Variants in TBC1D16 observed in about 807,000 individuals in gnomAD.
TBC1D16 encodes the protein TBC1 domain family member 16, also known as CTD-2529O21.1.
In TBC1D16, 58 loss-of-function variants were observed where a neutral mutation model predicts 74.7. The ratio of observed to expected loss-of-function variants is 0.78; its 90% CI spans 0.63 to 0.97. The LOEUF (loss-of-function observed/expected upper bound fraction) is 0.97, where lower values mean the gene tolerates loss of function less well. Ranked by LOEUF, TBC1D16 falls within the 50% of genes least tolerant of loss-of-function variation. The pLI is 0.00. For missense variants in TBC1D16, 1,014 were observed against 1,079.5 expected (o/e 0.94, Z 0.85); for synonymous variants, 493 against 474.7 (o/e 1.04, Z -0.50).
chr17:79,988,900 A>G lies in TBC1D16; in HGVS notation c.779+21260T>C, dbSNP rs2034954777. ...GGGCTGGACGGTGCCACCCTCCCCA[A>G]CCCGCACCTGCCCGCCGGCCCCAGG... On this transcript the variant is annotated intron_variant, in intron 3 of 11. Coordinates refer to ENST00000310924, the MANE Select transcript of TBC1D16 (RefSeq NM_019020.4). This position sits in a 1 kb window ranked among gnomAD's most constrained non-coding sequence, Gnocchi z 5.7. Among the ~76,000 whole-genome samples the G allele has an allele frequency of 6.6e-6, 1 of 152,088 alleles. No homozygotes were observed. The highest frequency in any genetic ancestry group is 1.5e-5 in the Non-Finnish European group (1 of 68,016).
At chr17:80,021,913 GACAC>G (rs796326192) in intron 1 of TBC1D16, among the ~76,000 whole-genome samples, 12 of 5,432 alleles carry the variant, frequency 2.2e-3, no homozygotes, top group African/African-American at 5.0e-3. Flanking sequence ...CACACACCAT[GACAC>G]ACACAAACAC....
rs9891664 is a variant in TBC1D16, at chr17:79,988,239, G to C, written c.779+21921C>G. Among the ~76,000 whole-genome samples the C allele has an allele frequency of 0.037, 5,558 of 152,230 alleles. 200 individuals carry two copies. The highest frequency in any genetic ancestry group is 0.095 in the African/African-American group (3,954 of 41,540). On this transcript the variant is annotated intron_variant, in intron 3 of 11. Transcript: ENST00000310924. This position sits in a 1 kb window ranked among gnomAD's most constrained non-coding sequence, Gnocchi z 5.7. ...CCACCAGCCAGGGCCGTGGCTCCTC[G>C]GCAAGTGGGCGTCCGCCGAGCCTTT...
At chr17:80,004,131 T>C (rs537845654) in intron 3 of TBC1D16, among the ~76,000 whole-genome samples, 2 of 152,354 alleles carry the variant, frequency 1.3e-5, no homozygotes, top group South Asian at 2.1e-4. Flanking sequence ...AAAAATTCAG[T>C]TGCACTTGCG....
At position 80,000,623 on chromosome 17, in the gene TBC1D16, G is replaced by A. The variant is rs1011805564; in HGVS notation, c.779+9537C>T. ...TTTGTCACAGCAGCCCCAGGACACT[G>A]ATACGAGCACGTCCAACGGGGCTGG... On this transcript the variant is annotated intron_variant, in intron 3 of 11. Transcript: ENST00000310924. The surrounding 1 kb of genome is among the most constrained non-coding windows in gnomAD (Gnocchi z 4.1). Among the ~76,000 whole-genome samples, 8 of 152,194 alleles carry A rather than the reference G, an allele frequency of 5.3e-5. No individual in the cohort carries two copies.
chr17:80,035,726 GCGCTGCT>G lies in TBC1D16; in HGVS notation c.-63+62_-63+68del, dbSNP rs1052119928. On this transcript the variant is annotated intron_variant, in intron 1 of 11. Coordinates refer to ENST00000310924, the MANE Select transcript of TBC1D16 (RefSeq NM_019020.4). The surrounding 1 kb of genome is among the most constrained non-coding windows in gnomAD (Gnocchi z 5.3). ...CCCCCGCCCCAGCTCCGCCGAGGGGGCGCTGCTCGCTGCGCGGTGGACCCCTCGGACC... is the reference window on the plus strand; with the variant it reads ...CCCCCGCCCCAGCTCCGCCGAGGGGGCGCTGCGCGGTGGACCCCTCGGACC... The G allele has an allele frequency of 2.7e-5, 4 of 147,556 alleles. No individual in the cohort carries two copies. Among genetic ancestry groups the G allele is most frequent in the African/African-American group, 9.8e-5 (4 of 40,972 alleles). The allele number at this position is 147,556 out of a possible 1,614,324, so 9.1% of individuals were successfully genotyped here.
At chr17:79,991,054 G>C (rs2035039050) in intron 3 of TBC1D16, among the ~76,000 whole-genome samples, 1 of 152,210 alleles carries the variant, frequency 6.6e-6, no homozygotes, top group South Asian at 2.1e-4. Flanking sequence ...TATGGGCAGG[G>C]GTGGTCATGT....
intron 3 of TBC1D16, among the ~76,000 whole-genome samples, chr17:79,977,860 C>T (rs1049372443): frequency 9.2e-5 from 14 of 152,190 alleles, no homozygotes; most frequent in East Asian, 1.9e-4. Context: ...CACGGGAGGG[C>T]GATTGATGCG....
At chr17:80,012,033 G>C (rs186736089) in intron 2 of TBC1D16, among the ~76,000 whole-genome samples, 11 of 152,210 alleles carry the variant, frequency 7.2e-5, no homozygotes, top group Admixed American at 2.0e-4. Flanking sequence ...TCAGTTCTGG[G>C]GGGAGGTGGC....
Position 80,007,159 on chromosome 17 carries a change from C to T in TBC1D16, c.779+3001G>A, listed in dbSNP as rs2035706479. Among the ~76,000 whole-genome samples, 1 of 152,194 alleles carries T rather than the reference C, an allele frequency of 6.6e-6. No individual in the cohort carries two copies. The highest frequency in any genetic ancestry group is 1.5e-5 in the Non-Finnish European group (1 of 68,034). ...TCCCCTGGACCGGGCTGACACAGGCCTGAGGTGCGAGCCACACCGAGCCCG... is the reference window on the plus strand; with the variant it reads ...TCCCCTGGACCGGGCTGACACAGGCTTGAGGTGCGAGCCACACCGAGCCCG... On this transcript the variant is annotated intron_variant, in intron 3 of 11. Coordinates refer to ENST00000310924, the MANE Select transcript of TBC1D16 (RefSeq NM_019020.4). This position sits in a 1 kb window ranked among gnomAD's most constrained non-coding sequence, Gnocchi z 4.5.
At chr17:79,976,716 G>A (rs1164299778) in intron 3 of TBC1D16, among the ~76,000 whole-genome samples, 4 of 152,192 alleles carry the variant, frequency 2.6e-5, no homozygotes, top group Non-Finnish European at 5.9e-5. Flanking sequence ...TCATTATCCT[G>A]GAGGGTTTAA....
rs1319971802 is a variant in TBC1D16, at chr17:79,987,433, G to C, written c.779+22727C>G. On this transcript the variant is annotated intron_variant, in intron 3 of 11. Coordinates refer to ENST00000310924, the MANE Select transcript of TBC1D16 (RefSeq NM_019020.4). This position sits in a 1 kb window ranked among gnomAD's most constrained non-coding sequence, Gnocchi z 5.2. ...AGCTAAATTTTTTATTTTTTATAGA[G>C]ATGGGGTCTCGCTATGTTGTCCAGG... 6.6e-6 allele frequency among the ~76,000 whole-genome samples: 1 copy of C among 151,882 alleles called. No homozygotes were observed. Among genetic ancestry groups the C allele is most frequent in the Non-Finnish European group, 1.5e-5 (1 of 67,982 alleles).
chr17:79,962,508 C>T (rs1266877528), intron 3 of TBC1D16, among the ~76,000 whole-genome samples: 5 of 151,746 alleles, frequency 3.3e-5, no homozygotes, highest in African/African-American at 7.3e-5. Context: ...CCACCACACC[C>T]GGCCCCATCT....
intron 3 of TBC1D16, among the ~76,000 whole-genome samples, chr17:79,995,194 G>A (rs577503211): frequency 1.3e-5 from 2 of 152,084 alleles, no homozygotes; most frequent in East Asian, 1.9e-4. Context: ...CAGCTACTCC[G>A]GAGGCTGAGG....
chr17:80,033,397 A>G (rs1250946135), intron 1 of TBC1D16, among the ~76,000 whole-genome samples: 1 of 151,654 alleles, frequency 6.6e-6, no homozygotes, highest in Non-Finnish European at 1.5e-5. Context: ...TTTTTTAAGC[A>G]GAGTCTCACT....
At chr17:80,019,939 C>T (rs2036229005) in intron 1 of TBC1D16, among the ~76,000 whole-genome samples, 1 of 149,946 alleles carries the variant, frequency 6.7e-6, no homozygotes, top group Non-Finnish European at 1.5e-5. Flanking sequence ...AAGTCTTAAA[C>T]CCCAGTACCC....
rs763215658 is a variant in TBC1D16 at position 80,007,296 on chromosome 17, G to A, written c.779+2864C>T. ...TGGGGACGAGTCCCAGGCCAGGCTCGCTGACCCCATACCCCAGGCTGGTGC... is the reference window on the plus strand; with the variant it reads ...TGGGGACGAGTCCCAGGCCAGGCTCACTGACCCCATACCCCAGGCTGGTGC... On this transcript the variant is annotated intron_variant, in intron 3 of 11. Transcript: ENST00000310924. The surrounding 1 kb of genome is among the most constrained non-coding windows in gnomAD (Gnocchi z 4.5). Among the ~76,000 whole-genome samples, 9 of 152,094 alleles carry A rather than the reference G, an allele frequency of 5.9e-5. No homozygotes were observed. Among genetic ancestry groups the A allele is most frequent in the African/African-American group, 1.4e-4 (6 of 41,410 alleles).
At chr17:79,969,898 C>T (rs774510558) in intron 3 of TBC1D16, among the ~76,000 whole-genome samples, 16 of 152,122 alleles carry the variant, frequency 1.1e-4, no homozygotes, top group East Asian at 1.9e-4. Flanking sequence ...GCCGAGATCA[C>T]GCCATTGCAC....
At position 79,950,498 on chromosome 17, in the gene TBC1D16, C is replaced by G; in HGVS notation, c.1170G>C (p.Glu390Asp). The G allele has an allele frequency of 1.2e-6, 2 of 1,613,444 alleles. No individual in the cohort carries two copies. The highest frequency in any genetic ancestry group is 8.5e-7 in the Non-Finnish European group (1 of 1,179,922). ...KLPSSETHPEESMYKRLGVSA... is the reference protein window; with the variant it reads ...KLPSSETHPEDSMYKRLGVSA... ...AGACGCCGAGCCTCTTGTACATGCT[C>G]TCCTCGGGGTGCGTCTCGGAGGACG... Residue 390 changes from glutamate to aspartate, a missense_variant, in exon 6 of 12, where the codon GAG becomes GAC. Physicochemically the swap from Glu to Asp is conservative, Grantham distance 45. Coordinates refer to ENST00000310924, the MANE Select transcript of TBC1D16 (RefSeq NM_019020.4). This position sits in a 1 kb window ranked among gnomAD's most constrained non-coding sequence, Gnocchi z 4.6.
At chr17:79,947,576 C>T (rs531067011) in intron 9 of TBC1D16, 69 bp downstream of exon 9, 31 of 1,557,468 alleles carry the variant, frequency 2.0e-5, no homozygotes, top group South Asian at 3.6e-5. Context: ...ACGGCAACCC[C>T]GGCTACAACG....
Sources: gnomAD v4.1 joint callset for allele counts (sites outside exome capture counted in the v4.1 genomes callset) on GRCh38, gnomAD v4.1.1 for gene constraint, Gnocchi (gnomAD v3.1) non-coding constraint, MANE v1.5 for transcripts, NCBI Gene and HGNC (gene_info 2026-07-23, HGNC 2026-07-21) for gene names.